ADGRL2: variants seen among roughly 807,000 people sequenced by gnomAD.
ADGRL2 encodes the protein calcium-independent alpha-latrotoxin receptor 2.
A neutral mutation model predicts 157.4 loss-of-function variants in ADGRL2; 44 were observed. The ratio of observed to expected loss-of-function variants is 0.28; its 90% CI spans 0.22 to 0.36. The LOEUF is 0.36. ADGRL2 is among the 10% of genes least tolerant of loss of function. The pLI, the probability that ADGRL2 is intolerant of heterozygous loss-of-function variation, is 1.00. For missense variants in ADGRL2, 1,510 were observed against 1,768.9 expected, an observed-to-expected ratio of 0.85 and a Z score of 2.63; for synonymous variants, 585 against 624.7, an observed-to-expected ratio of 0.94 and a Z score of 0.95.
intron 1 of ADGRL2, among the ~76,000 whole-genome samples, chr1:81,353,055 G>A (rs1167213314): frequency 2.0e-5 from 3 of 152,168 alleles, no homozygotes; most frequent in Non-Finnish European, 2.9e-5. Context: ...TTACTACATA[G>A]TGGGCAATAT....
chr1:81,321,825 A>G (rs1268772490), intron 1 of ADGRL2, among the ~76,000 whole-genome samples: 1 of 127,310 alleles, frequency 7.9e-6, no homozygotes, highest in African/African-American at 2.7e-5. Flanking sequence ...AAGTGATTAC[A>G]TGCTGTTGAA....
rs935735838 is a variant in ADGRL2, at chr1:81,505,256, GC to G, written c.-248+60169del. On this transcript the variant is annotated intron_variant, in intron 2 of 24. Coordinates refer to the ADGRL2 transcript ENST00000370721. ...ATCTCCCGAGGGCTGACCTCCTCTG[GC>G]CTCAGCCTGCAGGGTGTGGGCAGAG... 14 of 533,856 alleles carry G rather than the reference GC, an allele frequency of 2.6e-5. No homozygotes were observed. The African/African-American group carries it at 2.6e-4, about 10-fold the overall frequency. 33.1% of individuals were successfully genotyped at this position (533,856 alleles called of 1,614,324 possible). A position where few individuals can be genotyped will look rare whatever the true frequency, so the allele number is the denominator to read the frequency against.
At chr1:81,596,392 A>G (rs2081233596) in intron 3 of ADGRL2, 1 of 493,036 alleles carries the variant, frequency 2.0e-6, no homozygotes, top group Non-Finnish European at 4.0e-6. Context: ...CCTCTGATCA[A>G]GTCAGCTCAC....
At chr1:81,680,335 A>G (rs2083084693) in intron 3 of ADGRL2, among the ~76,000 whole-genome samples, 1 of 152,220 alleles carries the variant, frequency 6.6e-6, no homozygotes, top group Non-Finnish European at 1.5e-5. Flanking sequence ...GACAGTTGCA[A>G]AGCAGGTCTG....
intron 2 of ADGRL2, among the ~76,000 whole-genome samples, chr1:81,861,639 A>G (rs77622392): frequency 0.029 from 4,368 of 151,826 alleles, 227 homozygotes; most frequent in African/African-American, 0.098. Flanking sequence ...CTGTTTTCCC[A>G]GCCCTTCAGG....
At chr1:81,574,114 T>C (rs2080749818) in intron 2 of ADGRL2, among the ~76,000 whole-genome samples, 1 of 151,742 alleles carries the variant, frequency 6.6e-6, no homozygotes, top group African/African-American at 2.4e-5. Flanking sequence ...CACCTAAAAA[T>C]GAATTTTTTT....
At chr1:81,702,221 T>C (rs2149036322) in intron 1 of ADGRL2, among the ~76,000 whole-genome samples, 1 of 152,314 alleles carries the variant, frequency 6.6e-6, no homozygotes, top group Middle Eastern at 3.4e-3. Context: ...TGTAGGTGGA[T>C]ATGGGGCACT....
chr1:81,877,526 G>A (rs1424096887), intron 2 of ADGRL2, among the ~76,000 whole-genome samples: 1 of 152,012 alleles, frequency 6.6e-6, no homozygotes, highest in African/African-American at 2.4e-5. Flanking sequence ...GTGTACTTGA[G>A]GTTCTGGAGA....
At chr1:81,867,722 A>T (rs568952417) in intron 2 of ADGRL2, among the ~76,000 whole-genome samples, 22 of 152,326 alleles carry the variant, frequency 1.4e-4, no homozygotes, top group African/African-American at 5.0e-4. Context: ...ACTTCATTGC[A>T]AAGTCAAGAA....
At chr1:81,759,779 T>G (rs1317664041) in intron 1 of ADGRL2, among the ~76,000 whole-genome samples, 1 of 152,126 alleles carries the variant, frequency 6.6e-6, no homozygotes, top group Admixed American at 6.6e-5. Flanking sequence ...TCTATCAGAT[T>G]TTGCTTTATC....
intron 3 of ADGRL2, among the ~76,000 whole-genome samples, chr1:81,935,677 T>A (rs530739808): frequency 6.6e-6 from 1 of 151,986 alleles, no homozygotes; most frequent in Non-Finnish European, 1.5e-5. Flanking sequence ...CTTGTTCTGC[T>A]TGATTTGCCT....
At chr1:81,786,509 G>A (rs1571217970) in intron 2 of ADGRL2, among the ~76,000 whole-genome samples, 1 of 152,210 alleles carries the variant, frequency 6.6e-6, no homozygotes, top group East Asian at 1.9e-4. Context: ...CTGAGAGGCA[G>A]AGGTTGCAGT....
chr1:81,410,240 T>C (rs1375009947), intron 1 of ADGRL2, among the ~76,000 whole-genome samples: 1 of 152,238 alleles, frequency 6.6e-6, no homozygotes, highest in Non-Finnish European at 1.5e-5. Flanking sequence ...ATACAATGAT[T>C]TGCTATCTAC....
At chr1:81,397,134 C>T (rs1570841124) in intron 1 of ADGRL2, among the ~76,000 whole-genome samples, 1 of 151,906 alleles carries the variant, frequency 6.6e-6, no homozygotes, top group African/African-American at 2.4e-5. Flanking sequence ...CTGATTCCAT[C>T]TTGTTATTTG....
chr1:81,944,480 A>AT (rs756551684), intron 6 of ADGRL2, among the ~76,000 whole-genome samples: 13 of 152,046 alleles, frequency 8.6e-5, no homozygotes, highest in Non-Finnish European at 1.5e-4. Flanking sequence ...ACTTTGGTTT[A>AT]TTAAGTGAGT....
At chr1:81,769,822 C>T (rs1214462131) in intron 2 of ADGRL2, among the ~76,000 whole-genome samples, 1 of 151,898 alleles carries the variant, frequency 6.6e-6, no homozygotes, top group Non-Finnish European at 1.5e-5. Flanking sequence ...GTCAACTCTT[C>T]CATTTATTTA....
At chr1:81,635,076 A>G (rs2082090180) in intron 3 of ADGRL2, among the ~76,000 whole-genome samples, 1 of 152,172 alleles carries the variant, frequency 6.6e-6, no homozygotes, top group African/African-American at 2.4e-5. Flanking sequence ...TACATAGCCT[A>G]TCCTCTTGGT....
intron 23 of ADGRL2, chr1:81,989,952 T>A (rs1207618463): frequency 1.0e-6 from 1 of 985,110 alleles, no homozygotes; most frequent in African/African-American, 1.7e-5. Flanking sequence ...TGTGACTTAC[T>A]CCTTTTTAAT....
intron 3 of ADGRL2, among the ~76,000 whole-genome samples, chr1:81,923,386 C>T (rs1046225369): frequency 1.3e-5 from 2 of 152,124 alleles, no homozygotes; most frequent in Non-Finnish European, 2.9e-5. Context: ...CTCCATTAAT[C>T]TGAGAGTGTA....
Sources: gnomAD v4.1 joint callset for allele counts (sites outside exome capture counted in the v4.1 genomes callset) on GRCh38, gnomAD v4.1.1 for gene constraint, MANE v1.5 for transcripts, NCBI Gene and HGNC (gene_info 2026-07-23, HGNC 2026-07-21) for gene names.